The following CTNNA3 variants were observed in gnomAD, a reference collection of about 807,000 sequenced individuals.
CTNNA3 encodes the protein catenin alpha-3.
In CTNNA3, 76 loss-of-function variants were observed where a neutral mutation model predicts 95.7. The ratio of observed to expected loss-of-function variants is 0.79; its 90% CI spans 0.66 to 0.96. The LOEUF (loss-of-function observed/expected upper bound fraction) is 0.96, where lower values mean the gene tolerates loss of function less well. Among genes scored for constraint, CTNNA3 ranks in the 40% least tolerant of loss-of-function variants. The pLI is 0.00. For synonymous variants in CTNNA3, 431 were observed against 374.4 expected, an observed-to-expected ratio of 1.15 and a Z score of -1.74; for missense variants, 1,191 against 1,089.8, an observed-to-expected ratio of 1.09 and a Z score of -1.31.
chr10:67,290,634 G>A (rs935999567), intron 5 of CTNNA3, among the ~76,000 whole-genome samples: 1 of 152,120 alleles, frequency 6.6e-6, no homozygotes, highest in Non-Finnish European at 1.5e-5. Flanking sequence ...GCAACAAGAG[G>A]TAAGAAATGT....
chr10:66,116,380 T>C (rs1277909934), intron 13 of CTNNA3, among the ~76,000 whole-genome samples: 1 of 152,184 alleles, frequency 6.6e-6, no homozygotes, highest in Non-Finnish European at 1.5e-5. Flanking sequence ...TACTTGTTAG[T>C]ATTTACCAAA....
chr10:66,680,223 G>A (rs1367086506), intron 9 of CTNNA3, among the ~76,000 whole-genome samples: 1 of 151,602 alleles, frequency 6.6e-6, no homozygotes, highest in East Asian at 1.9e-4. Flanking sequence ...CTAGAGATGG[G>A]GTTTCACTGT....
chr10:66,512,343 T>C (rs559627786), intron 11 of CTNNA3, among the ~76,000 whole-genome samples: 1 of 152,186 alleles, frequency 6.6e-6, no homozygotes, highest in African/African-American at 2.4e-5. Flanking sequence ...ATATTTCAAT[T>C]AGGGAATTTA....
chr10:67,194,307 G>A (rs1476797193), intron 6 of CTNNA3, among the ~76,000 whole-genome samples: 5 of 151,958 alleles, frequency 3.3e-5, no homozygotes, highest in South Asian at 4.1e-4. Flanking sequence ...AAACTTGGAC[G>A]CAACCAAGAG....
intron 16 of CTNNA3, among the ~76,000 whole-genome samples, chr10:65,982,984 C>T (rs2078356151): frequency 6.6e-6 from 1 of 151,324 alleles, no homozygotes; most frequent in African/African-American, 2.4e-5. Flanking sequence ...ATGAGGCCAG[C>T]CTCCAAGAAT....
At chr10:66,089,401 T>C (rs1033352548) in intron 14 of CTNNA3, among the ~76,000 whole-genome samples, 1 of 151,312 alleles carries the variant, frequency 6.6e-6, no homozygotes, top group Admixed American at 6.6e-5. Context: ...TTTCCTTCCT[T>C]ACTCCCTTCC....
intron 13 of CTNNA3, among the ~76,000 whole-genome samples, chr10:66,208,410 CATG>C (rs60931614): frequency 0.2 from 31,061 of 152,016 alleles, 3,942 homozygotes; most frequent in Middle Eastern, 0.3. Flanking sequence ...CTAGAAACAA[CATG>C]GTAAAACTTA....
chr10:66,501,032 T>TA lies in CTNNA3; in HGVS notation c.1531+19584dup, dbSNP rs543620078. 3.9e-4 allele frequency among the ~76,000 whole-genome samples: 59 copies of TA among 152,296 alleles called. 1 individual carries two copies. The South Asian group carries it at 0.012, about 31-fold the overall frequency. ...TGAAATCTCAAAGCCACTGATTCCC[T>TA]ACAAGAAAATCTGACAGAGAAAACA... On this transcript the variant is annotated intron_variant, in intron 11 of 17. Coordinates refer to ENST00000433211, the MANE Select transcript of CTNNA3 (RefSeq NM_013266.4).
At chr10:67,059,319 A>C (rs1158640590) in intron 7 of CTNNA3, among the ~76,000 whole-genome samples, 1 of 152,162 alleles carries the variant, frequency 6.6e-6, no homozygotes, top group Non-Finnish European at 1.5e-5. Flanking sequence ...AATGGTAGAG[A>C]CTTCTATTTC....
At chr10:67,500,412 T>G (rs1839191793) in intron 5 of CTNNA3, among the ~76,000 whole-genome samples, 1 of 152,230 alleles carries the variant, frequency 6.6e-6, no homozygotes, top group Non-Finnish European at 1.5e-5. Context: ...TTCTGTTGAT[T>G]TCGGGTGGAG....
intron 5 of CTNNA3, among the ~76,000 whole-genome samples, chr10:67,322,643 T>TCCAGTCTACCA (rs1841374145): frequency 1.3e-5 from 2 of 152,224 alleles, no homozygotes; most frequent in African/African-American, 4.8e-5. Context: ...TTTAGGTTTA[T>TCCAGTCTACCA]TCCATGTCTT....
At chr10:67,307,329 G>T (rs1840597314) in intron 5 of CTNNA3, among the ~76,000 whole-genome samples, 1 of 152,152 alleles carries the variant, frequency 6.6e-6, no homozygotes, top group African/African-American at 2.4e-5. Context: ...TCTAATAACT[G>T]ATCAAATTAT....
At chr10:65,958,736 C>T (rs1299283738) in intron 17 of CTNNA3, among the ~76,000 whole-genome samples, 1 of 152,168 alleles carries the variant, frequency 6.6e-6, no homozygotes, top group Non-Finnish European at 1.5e-5. Flanking sequence ...GTGCTGCTGC[C>T]TGATCCCTCC....
chr10:66,851,478 G>C (rs928561745), intron 7 of CTNNA3, among the ~76,000 whole-genome samples: 8 of 152,086 alleles, frequency 5.3e-5, no homozygotes, highest in Non-Finnish European at 1.0e-4. Context: ...AGTATCGGAG[G>C]TGGGGCCTGG....
intron 13 of CTNNA3, among the ~76,000 whole-genome samples, chr10:66,135,977 C>T: frequency 6.6e-6 from 1 of 151,158 alleles, no homozygotes; most frequent in Non-Finnish European, 1.5e-5. Flanking sequence ...TCTCAGCTCA[C>T]TGCAAGCTCC....
Position 66,291,210 on chromosome 10 carries a change from C to T in CTNNA3, c.1733-10589G>A, listed in dbSNP as rs188048033. On this transcript the variant is annotated intron_variant, in intron 12 of 17. Transcript: ENST00000433211. The stretch of plus-strand genomic sequence containing the variant: ...GCATTTTCTCATTGCATTTTATATG[C>T]ATTGTGTTTTCTCTGAAGTTTTACA... Among the ~76,000 whole-genome samples, 7 of 152,218 alleles carry T rather than the reference C, an allele frequency of 4.6e-5. No homozygotes were observed. The South Asian group carries it at 8.3e-4, about 18-fold the overall frequency.
intron 12 of CTNNA3, among the ~76,000 whole-genome samples, chr10:66,373,037 T>C (rs1219528753): frequency 6.6e-6 from 1 of 152,156 alleles, no homozygotes; most frequent in Non-Finnish European, 1.5e-5. Context: ...AAGCCCTTTA[T>C]ATTATTCCTC....
chr10:66,949,901 G>C (rs1211386829), intron 7 of CTNNA3, among the ~76,000 whole-genome samples: 1 of 152,166 alleles, frequency 6.6e-6, no homozygotes, highest in African/African-American at 2.4e-5. Flanking sequence ...ATTTCTGAGT[G>C]GTTCAGAATC....
chr10:67,221,978 T>C (rs909878714), intron 5 of CTNNA3, among the ~76,000 whole-genome samples: 1 of 152,158 alleles, frequency 6.6e-6, no homozygotes, highest in African/African-American at 2.4e-5. Flanking sequence ...ATTAGTCCTA[T>C]TTTAACTAAA....
Sources: gnomAD v4.1 joint callset for allele counts (sites outside exome capture counted in the v4.1 genomes callset) on GRCh38, gnomAD v4.1.1 for gene constraint, MANE v1.5 for transcripts, NCBI Gene and HGNC (gene_info 2026-07-23, HGNC 2026-07-21) for gene names.